Variants in CCBE1 observed in about 807,000 individuals in gnomAD.
The protein encoded by CCBE1 is collagen and calcium binding EGF domains 1.
In CCBE1, 37 loss-of-function variants were observed where a neutral mutation model predicts 50.0. The ratio of observed to expected loss-of-function variants is 0.74; its 90% CI spans 0.57 to 0.97. CCBE1 has a LOEUF of 0.97. Ranked by LOEUF, CCBE1 falls within the 50% of genes least tolerant of loss-of-function variation. The pLI is 0.00. For synonymous variants in CCBE1, 234 were observed against 203.7 expected (o/e 1.15, Z -1.27); for missense variants, 538 against 523.8 (o/e 1.03, Z -0.26).
chr18:59,593,002 G>A (rs751372039), intron 2 of CCBE1, among the ~76,000 whole-genome samples: 3 of 152,136 alleles, frequency 2.0e-5, no homozygotes, highest in Non-Finnish European at 4.4e-5. Context: ...TCAGTGATGC[G>A]TACATGGGCA....
intron 2 of CCBE1, among the ~76,000 whole-genome samples, chr18:59,545,052 A>C (rs1408940950): frequency 6.6e-6 from 1 of 152,328 alleles, no homozygotes; most frequent in East Asian, 1.9e-4. Context: ...TTTTATTTAA[A>C]TTACTAGTTA....
chr18:59,648,437 G>T (rs1182513120), intron 2 of CCBE1, among the ~76,000 whole-genome samples: 1 of 152,096 alleles, frequency 6.6e-6, no homozygotes, highest in Non-Finnish European at 1.5e-5. Context: ...CAGGCATGGG[G>T]GCTCACACCT....
At chr18:59,535,826 T>C (rs532905106) in intron 2 of CCBE1, among the ~76,000 whole-genome samples, 2 of 152,194 alleles carry the variant, frequency 1.3e-5, no homozygotes, top group Non-Finnish European at 2.9e-5. Flanking sequence ...AGGACATTTA[T>C]CAGAAATAAT....
intron 2 of CCBE1, among the ~76,000 whole-genome samples, chr18:59,668,142 G>A (rs115957176): frequency 0.017 from 2,636 of 152,118 alleles, 27 homozygotes; most frequent in Middle Eastern, 0.037. Flanking sequence ...AAAATTGGCC[G>A]GACATGGTGG....
chr18:59,563,417 C>A (rs762180906), intron 2 of CCBE1, among the ~76,000 whole-genome samples: 1 of 152,124 alleles, frequency 6.6e-6, no homozygotes, highest in Non-Finnish European at 1.5e-5. Context: ...AGGGTATTTA[C>A]GAAATTATAG....
intron 2 of CCBE1, among the ~76,000 whole-genome samples, chr18:59,625,912 C>T (rs1209251952): frequency 6.6e-6 from 1 of 152,202 alleles, no homozygotes; most frequent in Admixed American, 6.5e-5. Context: ...GGCTCTCAGA[C>T]ACCGCACCTG....
At chr18:59,500,237 C>T (rs775712435) in intron 2 of CCBE1, among the ~76,000 whole-genome samples, 3 of 152,210 alleles carry the variant, frequency 2.0e-5, no homozygotes, top group Non-Finnish European at 4.4e-5. Flanking sequence ...GATGCTTTCC[C>T]ACACATCCTA....
At chr18:59,606,675 G>T (rs77825692) in intron 2 of CCBE1, among the ~76,000 whole-genome samples, 4,006 of 152,070 alleles carry the variant, frequency 0.026, 185 homozygotes, top group African/African-American at 0.092. Context: ...TCTTAATCTT[G>T]AATCTTTTGT....
intron 2 of CCBE1, among the ~76,000 whole-genome samples, chr18:59,608,676 A>G (rs769863388): frequency 6.6e-6 from 1 of 152,230 alleles, no homozygotes; most frequent in Non-Finnish European, 1.5e-5. Flanking sequence ...GAGCTTTAAT[A>G]GAAAGTGTTT....
chr18:59,443,055 C>G (rs965704305), intron 7 of CCBE1, among the ~76,000 whole-genome samples: 7 of 152,036 alleles, frequency 4.6e-5, no homozygotes, highest in Non-Finnish European at 7.4e-5. Flanking sequence ...GAGACCATAC[C>G]GAGTTTAACA....
rs760624659 is a variant in CCBE1 at position 59,443,968 on chromosome 18, CTTATA to C, written c.775+4010_775+4014del. The stretch of plus-strand genomic sequence containing the variant: ...CTATGAGTTTAATTATTTTAGATAC[CTTATA>C]TAAGTGTTAATTATATAGTGTGTCA... On this transcript the variant is annotated intron_variant, in intron 7 of 10. Transcript: ENST00000439986. Among the ~76,000 whole-genome samples the C allele has an allele frequency of 8.5e-5, 13 of 152,266 alleles. No individual in the cohort carries two copies. In the South Asian group the frequency reaches 1.7e-3, roughly 19 times the overall value.
intron 2 of CCBE1, among the ~76,000 whole-genome samples, chr18:59,654,770 G>A (rs1356005880): frequency 2.3e-5 from 3 of 132,250 alleles, no homozygotes; most frequent in Admixed American, 8.6e-5. Context: ...CCAGCCTGGT[G>A]ACAGAGTGAG....
chr18:59,550,998 C>CAAAAAAAAAAAAAAAAAAAAAAA (rs555160847), intron 2 of CCBE1, among the ~76,000 whole-genome samples: 31 of 71,354 alleles, frequency 4.3e-4, no homozygotes, highest in African/African-American at 5.0e-4. Flanking sequence ...CAGCGAGACT[C>CAAAAAAAAAAAAAAAAAAAAAAA]AAAAAAAAAA....
chr18:59,568,097 T>A (rs1376215087), intron 2 of CCBE1: 6 of 152,140 alleles, frequency 3.9e-5, no homozygotes, highest in Non-Finnish European at 8.8e-5. Flanking sequence ...CTGCAGGGGT[T>A]CTTCTGGCAC....
chr18:59,482,497 T>C (rs554701349), intron 2 of CCBE1, among the ~76,000 whole-genome samples: 2 of 152,316 alleles, frequency 1.3e-5, no homozygotes, highest in African/African-American at 4.8e-5. Flanking sequence ...CAGGCACACA[T>C]AGGTTTATTG....
chr18:59,431,874 T>C lies in CCBE1; in HGVS notation c.*4034A>G, dbSNP rs907988830. On this transcript the variant is annotated 3_prime_UTR_variant, in exon 11 of 11. Coordinates refer to ENST00000439986, the MANE Select transcript of CCBE1 (RefSeq NM_133459.4). The stretch of plus-strand genomic sequence containing the variant: ...TTCTCTCTGCAGCCCCACTCACTTT[T>C]GGCACAGTATAGCTTATAATTTCTC... The C allele has an allele frequency of 6.6e-6, 1 of 152,272 alleles. No homozygotes were observed. Among genetic ancestry groups the C allele is most frequent in the Admixed American group, 6.5e-5 (1 of 15,284 alleles). The allele number at this position is 152,272 out of a possible 1,614,324, so 9.4% of individuals were successfully genotyped here.
At chr18:59,590,501 T>A (rs2053248182) in intron 2 of CCBE1, among the ~76,000 whole-genome samples, 1 of 152,216 alleles carries the variant, frequency 6.6e-6, no homozygotes, top group Non-Finnish European at 1.5e-5. Context: ...TTTGTTTTTT[T>A]ATGGAGCTAG....
At chr18:59,596,202 C>T (rs1412243947) in intron 2 of CCBE1, among the ~76,000 whole-genome samples, 1 of 152,126 alleles carries the variant, frequency 6.6e-6, no homozygotes, top group African/African-American at 2.4e-5. Flanking sequence ...GTAGCTCAAA[C>T]CATTTCAGTG....
At chr18:59,624,938 A>G (rs1296726796) in intron 2 of CCBE1, among the ~76,000 whole-genome samples, 1 of 152,274 alleles carries the variant, frequency 6.6e-6, no homozygotes, top group East Asian at 1.9e-4. Context: ...ACACTCACAC[A>G]TAGCTATGCA....
Sources: gnomAD v4.1 joint callset for allele counts (sites outside exome capture counted in the v4.1 genomes callset) on GRCh38, gnomAD v4.1.1 for gene constraint, MANE v1.5 for transcripts, NCBI Gene and HGNC (gene_info 2026-07-23, HGNC 2026-07-21) for gene names.